The following TVP23B variants were observed in gnomAD, a reference collection of about 807,000 sequenced individuals.
TVP23B encodes the protein Golgi apparatus membrane protein TVP23 homolog B.
Under a neutral mutation model 30.6 loss-of-function variants are expected in TVP23B, and 10 were observed. That is an observed-to-expected ratio of 0.33 (90% CI 0.20 to 0.55). The LOEUF is 0.55. TVP23B is among the 20% of genes least tolerant of loss of function. TVP23B has a pLI of 0.91. For synonymous variants in TVP23B, 67 were observed against 83.1 expected, an observed-to-expected ratio of 0.81 and a Z score of 1.06; for missense variants, 153 against 243.2, an observed-to-expected ratio of 0.63 and a Z score of 2.47.
chr17:18,800,919 C>G (rs1035389507), intron 5 of TVP23B, among the ~76,000 whole-genome samples: 2 of 152,198 alleles, frequency 1.3e-5, no homozygotes, highest in African/African-American at 4.8e-5. Flanking sequence ...TAAGAGTTCA[C>G]TCTTATGTCA....
intron 5 of TVP23B, among the ~76,000 whole-genome samples, chr17:18,800,381 G>A (rs1370859753): frequency 2.0e-5 from 3 of 152,104 alleles, no homozygotes; most frequent in Non-Finnish European, 4.4e-5. Flanking sequence ...TAAAAAAGTC[G>A]ATTCATTGCC....
At chr17:18,793,069 A>G (rs1400163196) in intron 3 of TVP23B, among the ~76,000 whole-genome samples, 4 of 152,102 alleles carry the variant, frequency 2.6e-5, no homozygotes, top group Admixed American at 2.6e-4. Flanking sequence ...AAAATCTCAT[A>G]ATGTTTTAAG....
intron 6 of TVP23B, among the ~76,000 whole-genome samples, chr17:18,805,078 CTTTTTTTT>C (rs71155360): frequency 7.4e-5 from 8 of 108,722 alleles, no homozygotes; most frequent in Non-Finnish European, 1.5e-4. Flanking sequence ...GTGACTAGGT[CTTTTTTTT>C]TTTTTTTTTT....
intron 3 of TVP23B, 152 bp from the exon 4 acceptor site, chr17:18,797,427 C>T: frequency 6.9e-7 from 1 of 1,459,230 alleles, no homozygotes; most frequent in Non-Finnish European, 9.2e-7. Context: ...ATCACTTAGC[C>T]AGGCCTGATA....
At chr17:18,797,527 G>C in intron 3 of TVP23B, 52 bp from the exon 4 acceptor site, 1 of 1,612,950 alleles carries the variant, frequency 6.2e-7, no homozygotes. Flanking sequence ...GCTTGTGATA[G>C]ATCTTTAAAT....
chr17:18,804,857 G>A (rs1193228317), intron 6 of TVP23B, among the ~76,000 whole-genome samples: 1 of 151,880 alleles, frequency 6.6e-6, no homozygotes, highest in East Asian at 1.9e-4. Flanking sequence ...CAAAGTGCTG[G>A]GATTACAGGC....
intron 1 of TVP23B, chr17:18,781,703 A>G (rs986525780): frequency 3.8e-6 from 1 of 265,886 alleles, no homozygotes; most frequent in Non-Finnish European, 7.1e-6. Context: ...CTCGCTTTCA[A>G]ATTGCTGTTT....
intron 6 of TVP23B, among the ~76,000 whole-genome samples, chr17:18,805,169 A>C (rs189140059): frequency 0.012 from 1,705 of 148,250 alleles, 43 homozygotes; most frequent in African/African-American, 0.041. Context: ...GCTTACTGCA[A>C]GCTCCGCCTC....
intron 3 of TVP23B, among the ~76,000 whole-genome samples, chr17:18,792,313 GGCGTGAGCCACT>G (rs2151846905): frequency 6.6e-6 from 1 of 152,278 alleles, no homozygotes; most frequent in African/African-American, 2.4e-5. Context: ...TGGGATTACA[GGCGTGAGCCACT>G]GCGCCTGGCC....
chr17:18,792,767 T>G (rs1185676295), intron 3 of TVP23B, among the ~76,000 whole-genome samples: 1 of 152,164 alleles, frequency 6.6e-6, no homozygotes, highest in Non-Finnish European at 1.5e-5. Flanking sequence ...AAACTACTTA[T>G]AGATAGCAAA....
intron 3 of TVP23B, 147 bp downstream of exon 3, chr17:18,791,187 G>GCTTTTTTT (rs2035987489): frequency 9.2e-6 from 1 of 109,172 alleles, no homozygotes; most frequent in Non-Finnish European, 1.4e-5. Flanking sequence ...ATTGCATGTA[G>GCTTTTTTT]TTTTTTTTTT....
intron 3 of TVP23B, among the ~76,000 whole-genome samples, chr17:18,794,070 T>C (rs1204116965): frequency 6.6e-6 from 1 of 151,826 alleles, no homozygotes; most frequent in Non-Finnish European, 1.5e-5. Context: ...TATCAAACTA[T>C]GTATAGTAAA....
chr17:18,799,521 A>G (rs540074992), intron 5 of TVP23B, among the ~76,000 whole-genome samples: 11 of 152,290 alleles, frequency 7.2e-5, no homozygotes, highest in African/African-American at 1.4e-4. Context: ...AGCTTTTACA[A>G]TCTAGCTAAG....
In TVP23B at chr17:18,804,278, C is replaced by T; in HGVS notation, c.591+12C>T. ...AGTTTTTAAGACAAGTAAGTGTTTT[C>T]TGGATGTGATCAGTGACTAATGCAA... is the stretch of plus-strand genomic sequence containing the variant. On this transcript the variant is annotated intron_variant, in intron 6 of 6. Transcript: ENST00000307767. 6.3e-7 allele frequency: 1 copy of T among 1,599,270 alleles called. No individual in the cohort carries two copies. Among genetic ancestry groups the T allele is most frequent in the Non-Finnish European group, 8.5e-7 (1 of 1,171,446 alleles).
rs748317693 is a variant in TVP23B, at chr17:18,798,920, T to C, written c.439T>C (p.Phe147Leu). 1 of 1,613,198 alleles carries C rather than the reference T, an allele frequency of 6.2e-7. No individual in the cohort carries two copies. The highest frequency in any genetic ancestry group is 8.5e-7 in the Non-Finnish European group (1 of 1,179,666). The change falls in exon 5 of 7, where the codon TTC becomes CTC. Residue 147 changes from phenylalanine (F) to leucine (L), a missense_variant. By Grantham distance (22) the Phe-to-Leu change is conservative (BLOSUM62 0). Around this residue, in one of 3 missense-constraint regions of TVP23B, gnomAD observed 62 missense variants for 74.3 expected, o/e 0.83. Transcript: ENST00000307767. ...LWVIFAFSALFSFRVKWLAVV... is the reference protein window; with the variant it reads ...LWVIFAFSALLSFRVKWLAVV... ...GGTGATATTTGCTTTTAGTGCACTC[T>C]TCTCCTTCAGAGTAAAGTGGTTGGT...
rs146243398 is a variant in TVP23B at position 18,799,863 on chromosome 17, T to C, written c.462+920T>C. On this transcript the variant is annotated intron_variant, in intron 5 of 6. Transcript: ENST00000307767. ...GTATTTTCTTAGTCCTATTTTGCGA[T>C]ATAGATTCTTTTTTTCTTTGTGTGT... Among the ~76,000 whole-genome samples, 27 of 152,278 alleles carry C rather than the reference T, an allele frequency of 1.8e-4. No individual in the cohort carries two copies. The East Asian group carries it at 5.2e-3, about 29-fold the overall frequency.
chr17:18,795,574 T>C (rs2036064979), intron 3 of TVP23B, among the ~76,000 whole-genome samples: 1 of 152,214 alleles, frequency 6.6e-6, no homozygotes, highest in Admixed American at 6.5e-5. Flanking sequence ...ATGCCATGGG[T>C]CCCTTTCATA....
chr17:18,789,971 G>C (rs1338725842), intron 2 of TVP23B, among the ~76,000 whole-genome samples: 2 of 152,188 alleles, frequency 1.3e-5, no homozygotes, highest in Non-Finnish European at 2.9e-5. Flanking sequence ...TAGATTAGCT[G>C]TTGCTAGAAG....
chr17:18,781,384 TCC>T (rs2035804805), intron 1 of TVP23B, 79 bp downstream of exon 1: 1 of 1,534,260 alleles, frequency 6.5e-7, no homozygotes, highest in Non-Finnish European at 8.8e-7. Flanking sequence ...GGAGCCCGCG[TCC>T]CCCGCGCCCG....
Sources: gnomAD v4.1 joint callset for allele counts (sites outside exome capture counted in the v4.1 genomes callset) on GRCh38, gnomAD v4.1.1 for gene constraint, gnomAD v4.1.1 regional missense constraint, MANE v1.5 for transcripts, NCBI Gene and HGNC (gene_info 2026-07-23, HGNC 2026-07-21) for gene names.